The following LDAH variants were observed in gnomAD, a reference collection of about 807,000 sequenced individuals.
LDAH encodes the protein lipid droplet-associated hydrolase.
In LDAH, 26 loss-of-function variants were observed where a neutral mutation model predicts 29.6. The ratio of observed to expected loss-of-function variants is 0.88; its 90% CI spans 0.64 to 1.22. The LOEUF is 1.22. LDAH is among the 50% of genes most tolerant of loss of function. The pLI is 0.00. For missense variants in LDAH, 344 were observed against 387.3 expected (o/e 0.89, Z 0.94); for synonymous variants, 117 against 133.0 (o/e 0.88, Z 0.83).
intron 3 of LDAH, among the ~76,000 whole-genome samples, chr2:20,786,034 G>T (rs1670525385): frequency 6.6e-6 from 1 of 152,042 alleles, no homozygotes; most frequent in Non-Finnish European, 1.5e-5. Flanking sequence ...TGCTTGCTTT[G>T]TCTCTTCAGA....
chr2:20,772,340 T>A (rs985463188), intron 4 of LDAH, among the ~76,000 whole-genome samples: 4 of 152,186 alleles, frequency 2.6e-5, no homozygotes, highest in Admixed American at 6.5e-5. Flanking sequence ...GTTTTTAAAG[T>A]GTTTAAGACA....
rs554852024 is a variant in LDAH at position 20,684,738 on chromosome 2, C to T, written c.*2165G>A. The T allele has an allele frequency of 4.6e-6, 4 of 861,368 alleles. No homozygotes were observed. In the East Asian group the frequency reaches 1.1e-4, roughly 24 times the overall value. 53.4% of individuals were successfully genotyped at this position (861,368 alleles called of 1,614,324 possible). On this transcript the variant is annotated 3_prime_UTR_variant, in exon 7 of 7. Transcript: ENST00000237822. ...AACAAACACGGGTGTGGTCAAAGCT[C>T]AATCGCTGAGCACTCGGTAACTCTG...
At chr2:20,799,127 T>G (rs778757038) in intron 2 of LDAH, among the ~76,000 whole-genome samples, 1 of 150,464 alleles carries the variant, frequency 6.6e-6, no homozygotes, top group Non-Finnish European at 1.5e-5. Flanking sequence ...CTGATGAGGC[T>G]GATACAGGAG....
intron 5 of LDAH, among the ~76,000 whole-genome samples, chr2:20,702,594 C>T (rs1234890392): frequency 6.6e-6 from 1 of 152,152 alleles, no homozygotes; most frequent in Non-Finnish European, 1.5e-5. Flanking sequence ...GAATTTTCCT[C>T]CCCACCCAGG....
intron 4 of LDAH, among the ~76,000 whole-genome samples, chr2:20,754,987 T>C (rs1327425161): frequency 1.3e-5 from 2 of 152,192 alleles, no homozygotes; most frequent in African/African-American, 4.8e-5. Context: ...TTACATTTAC[T>C]GACATTGATA....
chr2:20,821,416 C>T (rs1673284634), intron 1 of LDAH, among the ~76,000 whole-genome samples: 1 of 152,176 alleles, frequency 6.6e-6, no homozygotes, highest in South Asian at 2.1e-4. Context: ...CACATATACA[C>T]CATGGGATAC....
intron 6 of LDAH, among the ~76,000 whole-genome samples, chr2:20,687,830 G>C (rs1192227844): frequency 6.6e-6 from 1 of 152,182 alleles, no homozygotes; most frequent in Non-Finnish European, 1.5e-5. Flanking sequence ...AGTTCTGTTA[G>C]TTCTAAAAAT....
At chr2:20,725,832 A>G (rs1665976003) in intron 5 of LDAH, among the ~76,000 whole-genome samples, 1 of 152,108 alleles carries the variant, frequency 6.6e-6, no homozygotes, top group African/African-American at 2.4e-5. Flanking sequence ...AATGTTAGAC[A>G]TGAGGTCTAG....
chr2:20,779,543 A>T (rs531391642), intron 3 of LDAH, among the ~76,000 whole-genome samples: 1 of 152,054 alleles, frequency 6.6e-6, no homozygotes, highest in African/African-American at 2.4e-5. Context: ...GTTGTTCACC[A>T]TGCTATACAT....
intron 4 of LDAH, among the ~76,000 whole-genome samples, chr2:20,770,991 T>C (rs932446210): frequency 1.3e-5 from 2 of 152,248 alleles, no homozygotes; most frequent in Admixed American, 6.5e-5. Flanking sequence ...TAAGTCATGA[T>C]AGCTACTATT....
chr2:20,777,500 C>T (rs1669901245), intron 3 of LDAH, among the ~76,000 whole-genome samples: 1 of 152,174 alleles, frequency 6.6e-6, no homozygotes, highest in African/African-American at 2.4e-5. Flanking sequence ...TCTCAGCTCA[C>T]TGCAACCTCC....
chr2:20,742,513 T>C (rs1430853640), intron 4 of LDAH, among the ~76,000 whole-genome samples: 1 of 152,250 alleles, frequency 6.6e-6, no homozygotes, highest in Admixed American at 6.5e-5. Flanking sequence ...GACTGTTATG[T>C]CTTCTTGGAG....
At chr2:20,769,652 A>G (rs1228049530) in intron 4 of LDAH, among the ~76,000 whole-genome samples, 2 of 152,222 alleles carry the variant, frequency 1.3e-5, no homozygotes, top group Non-Finnish European at 2.9e-5. Context: ...TTCTTTTAGT[A>G]AAGTTTTGCA....
At chr2:20,795,944 G>GCC (rs1296307091) in intron 2 of LDAH, among the ~76,000 whole-genome samples, 33 of 83,434 alleles carry the variant, frequency 4.0e-4, no homozygotes, top group Non-Finnish European at 5.7e-4. Flanking sequence ...CCCGAAACCT[G>GCC]CCACACACAC....
intron 3 of LDAH, among the ~76,000 whole-genome samples, chr2:20,775,404 C>A (rs1266794047): frequency 6.6e-6 from 1 of 152,088 alleles, no homozygotes; most frequent in Non-Finnish European, 1.5e-5. Context: ...GGCTCCACAC[C>A]CCAGGGTTTC....
chr2:20,746,132 A>G (rs1031232213), intron 4 of LDAH, among the ~76,000 whole-genome samples: 8 of 152,250 alleles, frequency 5.3e-5, no homozygotes, highest in African/African-American at 1.9e-4. Context: ...TCAATGATTT[A>G]AAGAATATAA....
At chr2:20,771,641 G>A (rs1333316862) in intron 4 of LDAH, among the ~76,000 whole-genome samples, 2 of 152,172 alleles carry the variant, frequency 1.3e-5, no homozygotes, top group Non-Finnish European at 2.9e-5. Context: ...TGGGGGCTGG[G>A]GATGGGGTAG....
chr2:20,756,201 A>AT (rs1377695907), intron 4 of LDAH, among the ~76,000 whole-genome samples: 9 of 151,856 alleles, frequency 5.9e-5, no homozygotes, highest in Non-Finnish European at 1.2e-4. Flanking sequence ...TGCCCAGCTA[A>AT]TTTTTGTATT....
intron 5 of LDAH, among the ~76,000 whole-genome samples, chr2:20,707,590 A>G (rs1330561508): frequency 6.6e-6 from 1 of 152,230 alleles, no homozygotes; most frequent in Non-Finnish European, 1.5e-5. Flanking sequence ...AGAACGCTCC[A>G]GAGATCTGCA....
Sources: gnomAD v4.1 joint callset for allele counts (sites outside exome capture counted in the v4.1 genomes callset) on GRCh38, gnomAD v4.1.1 for gene constraint, MANE v1.5 for transcripts, NCBI Gene and HGNC (gene_info 2026-07-23, HGNC 2026-07-21) for gene names.